The following ABCC11 variants were observed in gnomAD, a reference collection of about 807,000 sequenced individuals.
The protein encoded by ABCC11 is ATP binding cassette subfamily C member 11.
A neutral mutation model predicts 149.3 loss-of-function variants in ABCC11; 135 were observed. The ratio of observed to expected loss-of-function variants is 0.90; its 90% CI spans 0.79 to 1.04. The LOEUF is 1.04. Among genes scored for constraint, ABCC11 ranks in the 50% least tolerant of loss-of-function variants. The probability of loss-of-function intolerance (pLI) is 0.00; values close to 1 mark genes in which losing one functional copy is unlikely to be tolerated. For missense variants in ABCC11, 1,680 were observed against 1,722.1 expected, an observed-to-expected ratio of 0.98 and a Z score of 0.43; for synonymous variants, 665 against 671.4, an observed-to-expected ratio of 0.99 and a Z score of 0.15.
chr16:48,167,343 C>T lies in ABCC11; in HGVS notation c.4080G>A (p.Glu1360=). 1 of 1,178,988 alleles carries T rather than the reference C, an allele frequency of 8.5e-7. No homozygotes were observed. The highest frequency in any genetic ancestry group is 1.3e-6 in the Non-Finnish European group (1 of 782,688). 73.0% of individuals were successfully genotyped at this position (1,178,988 alleles called of 1,614,324 possible). ...ATGACCCAGGCTTCTTCCGCAGTAC[C>T]TCCGGCCGATCAAATTCTACCACCT... ...NGKVVEFDRP[E]VLRKKPGSLF... Residue 1360 remains glutamate, a synonymous_variant, in exon 30 of 30, where the codon GAG becomes GAA. Transcript: ENST00000356608.
At chr16:48,183,622 G>T (rs1966579793) in intron 23 of ABCC11, among the ~76,000 whole-genome samples, 1 of 152,218 alleles carries the variant, frequency 6.6e-6, no homozygotes, top group Admixed American at 6.5e-5. Flanking sequence ...AATGAGCCGG[G>T]AATGGTGGCA....
At position 48,196,651 on chromosome 16, in the gene ABCC11, T is replaced by C. The variant is rs866785170; in HGVS notation, c.2315-330A>G. On this transcript the variant is annotated intron_variant, in intron 17 of 29. Coordinates refer to ENST00000356608, the MANE Select transcript of ABCC11 (RefSeq NM_001370497.1). Reference sequence around the variant, plus strand: ...GGTTTCAGAACTGTCACTATGACACTGTGCAACATCAGGCAAATCACTTAA... The same window carrying C: ...GGTTTCAGAACTGTCACTATGACACCGTGCAACATCAGGCAAATCACTTAA... Among the ~76,000 whole-genome samples the C allele has an allele frequency of 6.6e-5, 10 of 152,242 alleles. No homozygotes were observed. The South Asian group carries it at 2.1e-3, about 32-fold the overall frequency.
chr16:48,235,572 G>C (rs1411405309), intron 1 of ABCC11, among the ~76,000 whole-genome samples: 1 of 152,194 alleles, frequency 6.6e-6, no homozygotes, highest in Non-Finnish European at 1.5e-5. Flanking sequence ...CCTCCTTCCA[G>C]TTCCATGGGG....
chr16:48,227,706 T>A lies in ABCC11; in HGVS notation c.395+100A>T, dbSNP rs938276859. 7 of 1,516,670 alleles carry A rather than the reference T, an allele frequency of 4.6e-6. No individual in the cohort carries two copies. The African/African-American group carries it at 8.3e-5, about 18-fold the overall frequency. 94.0% of individuals were successfully genotyped at this position (1,516,670 alleles called of 1,614,324 possible). Reference sequence around the variant, plus strand: ...TTCCTACAGGAAGAGCCAAGTCGTCTGGCATGGCCCCTCCCTACCACCCTT... The same window carrying A: ...TTCCTACAGGAAGAGCCAAGTCGTCAGGCATGGCCCCTCCCTACCACCCTT... On this transcript the variant is annotated intron_variant, in intron 4 of 29. Coordinates refer to ENST00000356608, the MANE Select transcript of ABCC11 (RefSeq NM_001370497.1).
chr16:48,192,669 T>C lies in ABCC11; in HGVS notation c.2557A>G (p.Ile853Val), dbSNP rs955701272. ...SNGTMADLGN[I>V]ADNPQLSFYQ... ...AAGGACAGTTGAGGATTGTCTGCAA[T>C]GTTGCCCAGGTCTGCCATGGTTCCA... Residue 853 changes from isoleucine to valine, a missense_variant, in exon 20 of 30, where the codon ATT becomes GTT. Transcript: ENST00000356608. The C allele has an allele frequency of 1.9e-6, 3 of 1,614,216 alleles. No individual in the cohort carries two copies. The highest frequency in any genetic ancestry group is 4.5e-5 in the East Asian group (2 of 44,878).
At chr16:48,232,094 C>T (rs1349308056) in intron 1 of ABCC11, 155 bp from the exon 2 acceptor site, 9 of 1,398,102 alleles carry the variant, frequency 6.4e-6, no homozygotes, top group African/African-American at 2.9e-5. Context: ...TCTCCTTAGC[C>T]TGTGCTTGAT....
chr16:48,216,041 G>C, intron 7 of ABCC11, 73 bp downstream of exon 7: 1 of 1,480,832 alleles, frequency 6.8e-7, no homozygotes, highest in Non-Finnish European at 9.3e-7. Flanking sequence ...TTCTCACTCA[G>C]AGCTATCCCA....
chr16:48,178,782 A>C, intron 23 of ABCC11, 96 bp from the exon 24 acceptor site: 1 of 1,051,690 alleles, frequency 9.5e-7, no homozygotes, highest in Non-Finnish European at 1.4e-6. Flanking sequence ...ATTGCCCCTG[A>C]GTGACCCCTG....
Position 48,167,702 on chromosome 16 carries a change from C to A in ABCC11, c.3892-42G>T, listed in dbSNP as rs768629846. ...AGGGGTGAAGGTGTCTACTTCAGGC[C>A]CTAGAGACCTGGGTCTAGCCCTGGT... On this transcript the variant is annotated intron_variant, in intron 28 of 29. Transcript: ENST00000356608. The A allele has an allele frequency of 2.5e-6, 4 of 1,606,938 alleles. No individual in the cohort carries two copies. The Admixed American group carries it at 6.7e-5, about 27-fold the overall frequency.
At chr16:48,230,065 C>T (rs930655949) in intron 3 of ABCC11, among the ~76,000 whole-genome samples, 3 of 152,200 alleles carry the variant, frequency 2.0e-5, no homozygotes, top group South Asian at 2.1e-4. Flanking sequence ...CCTCAACACT[C>T]GCATACTTCT....
chr16:48,173,792 T>G (rs185127782), intron 26 of ABCC11, among the ~76,000 whole-genome samples: 37 of 151,144 alleles, frequency 2.4e-4, no homozygotes, highest in Admixed American at 2.2e-3. Context: ...ATCTGGCTAA[T>G]TTTTGTATTT....
intron 13 of ABCC11, among the ~76,000 whole-genome samples, chr16:48,204,245 C>T (rs996299321): frequency 2.6e-5 from 4 of 152,112 alleles, no homozygotes; most frequent in Non-Finnish European, 5.9e-5. Flanking sequence ...TCATAGAAGA[C>T]CCTAAAGAAG....
intron 9 of ABCC11, 79 bp from the exon 10 acceptor site, chr16:48,213,629 C>A: frequency 2.7e-6 from 3 of 1,093,168 alleles, no homozygotes; most frequent in Non-Finnish European, 3.9e-6. Context: ...CATCCCTGAG[C>A]CACATCCTCA....
intron 15 of ABCC11, among the ~76,000 whole-genome samples, chr16:48,198,596 CAT>C (rs1967650893): frequency 6.6e-6 from 1 of 151,172 alleles, no homozygotes; most frequent in Non-Finnish European, 1.5e-5. Context: ...AACTCTCAAA[CAT>C]GTGTGCAAAG....
intron 20 of ABCC11, among the ~76,000 whole-genome samples, chr16:48,191,346 C>T (rs929014894): frequency 4.6e-5 from 7 of 151,980 alleles, no homozygotes; most frequent in African/African-American, 9.7e-5. Flanking sequence ...GACCAGCCTG[C>T]GCAACATGGC....
intron 24 of ABCC11, among the ~76,000 whole-genome samples, chr16:48,178,193 T>C (rs768764273): frequency 2.0e-5 from 3 of 152,262 alleles, no homozygotes; most frequent in Non-Finnish European, 4.4e-5. Context: ...GCCCAGGTTA[T>C]TCCAATGATT....
chr16:48,172,032 C>T (rs1965753919), intron 26 of ABCC11, among the ~76,000 whole-genome samples: 1 of 152,130 alleles, frequency 6.6e-6, no homozygotes, highest in Non-Finnish European at 1.5e-5. Context: ...ACCCATTAAA[C>T]AGTCTCTTCT....
intron 20 of ABCC11, among the ~76,000 whole-genome samples, chr16:48,192,023 C>T (rs1373048052): frequency 1.3e-5 from 2 of 152,054 alleles, no homozygotes; most frequent in Non-Finnish European, 2.9e-5. Context: ...TGGCTCACAC[C>T]TGTAATTCTA....
At chr16:48,245,627 T>G (rs970444117) in intron 1 of ABCC11, among the ~76,000 whole-genome samples, 1 of 152,182 alleles carries the variant, frequency 6.6e-6, no homozygotes, top group African/African-American at 2.4e-5. Context: ...ACCAGGAGGT[T>G]GGTCACCCTA....
Sources: gnomAD v4.1 joint callset for allele counts (sites outside exome capture counted in the v4.1 genomes callset) on GRCh38, gnomAD v4.1.1 for gene constraint, MANE v1.5 for transcripts, NCBI Gene and HGNC (gene_info 2026-07-23, HGNC 2026-07-21) for gene names.